The following LRRC8A variants were observed in gnomAD, a reference collection of about 807,000 sequenced individuals.
The protein encoded by LRRC8A is leucine rich repeat containing 8 VRAC subunit A, also known as volume-regulated anion channel subunit LRRC8A.
LRRC8A carries 24 observed loss-of-function variants against 52.5 expected under a neutral mutation model. The observed-to-expected ratio is 0.46, with a 90% CI of 0.33 to 0.64. The LOEUF is 0.64. Ranked by LOEUF, LRRC8A falls within the 30% of genes least tolerant of loss-of-function variation. The pLI, the probability that LRRC8A is intolerant of heterozygous loss-of-function variation, is 0.02. For missense variants in LRRC8A, 677 were observed against 1,094.7 expected, an observed-to-expected ratio of 0.62 and a Z score of 5.38; for synonymous variants, 492 against 494.2, an observed-to-expected ratio of 1.00 and a Z score of 0.06.
At chr9:128,900,643 G>C (rs755019536) in intron 2 of LRRC8A, among the ~76,000 whole-genome samples, 2 of 152,172 alleles carry the variant, frequency 1.3e-5, no homozygotes, top group Non-Finnish European at 2.9e-5. Context: ...AGGAGGTACA[G>C]GTTGCAGTGA....
chr9:128,903,569 T>C (rs559965139), intron 2 of LRRC8A, among the ~76,000 whole-genome samples: 2 of 152,050 alleles, frequency 1.3e-5, no homozygotes, highest in East Asian at 1.9e-4. Context: ...CCTGCCACTA[T>C]GCCCGGCTAA....
chr9:128,915,932 TGCACAGGCAGATGTTGGCCAGAGTTTG>T (rs1332990255), intron 3 of LRRC8A, among the ~76,000 whole-genome samples, 137 bp from the exon 4 acceptor site: 1 of 152,090 alleles, frequency 6.6e-6, no homozygotes, highest in East Asian at 1.9e-4. Context: ...TGAGACCTGG[TGCACAGGCAGATGTTGGCCAGAGTTTG>T]GCCCAGATTG....
chr9:128,898,806 A>G (rs1327315897), intron 2 of LRRC8A, among the ~76,000 whole-genome samples: 1 of 152,170 alleles, frequency 6.6e-6, no homozygotes, highest in African/African-American at 2.4e-5. Flanking sequence ...CTTGCTCTCC[A>G]CTGACCTGGG....
chr9:128,915,183 C>T (rs556201450), intron 3 of LRRC8A, among the ~76,000 whole-genome samples: 335 of 152,306 alleles, frequency 2.2e-3, no homozygotes, highest in African/African-American at 7.9e-3. Flanking sequence ...TGCTCCATAT[C>T]CTCAGGGAAT....
Position 128,892,206 on chromosome 9 carries a change from G to A in LRRC8A, c.-9+6085G>A, listed in dbSNP as rs897472677. ...GCATGAAGGTTGGGAGATGGGGCAA[G>A]GACATACTGGGCACTTAGTTGACGG... On this transcript the variant is annotated intron_variant, in intron 2 of 3. Transcript: ENST00000372600. This position sits in a 1 kb window ranked among gnomAD's most constrained non-coding sequence, Gnocchi z 5.2. Among the ~76,000 whole-genome samples, 12 of 152,226 alleles carry A rather than the reference G, an allele frequency of 7.9e-5. No homozygotes were observed. The highest frequency in any genetic ancestry group is 7.8e-4 in the Admixed American group (12 of 15,292).
At chr9:128,889,961 C>G (rs768983558) in intron 2 of LRRC8A, among the ~76,000 whole-genome samples, 1 of 151,894 alleles carries the variant, frequency 6.6e-6, no homozygotes, top group Non-Finnish European at 1.5e-5. Context: ...CACCACCACG[C>G]CTGGCTAATT....
chr9:128,916,808 G>A lies in LRRC8A; in HGVS notation c.*437G>A, dbSNP rs932253592. On this transcript the variant is annotated 3_prime_UTR_variant, in exon 4 of 4. Transcript: ENST00000372600. The surrounding 1 kb of genome is among the most constrained non-coding windows in gnomAD (Gnocchi z 6.1). ...CCCAGATGGAAGGTGTTCAGGGAAA[G>A]GTGGGCTGCCTTTTCCCCTTGTCCT... 8 of 167,204 alleles carry A rather than the reference G, an allele frequency of 4.8e-5. No individual in the cohort carries two copies. The East Asian group carries it at 6.3e-4, about 13-fold the overall frequency. 10.4% of individuals were successfully genotyped at this position (167,204 alleles called of 1,614,324 possible).
chr9:128,900,782 A>T (rs1839995052), intron 2 of LRRC8A, among the ~76,000 whole-genome samples: 1 of 152,160 alleles, frequency 6.6e-6, no homozygotes, highest in African/African-American at 2.4e-5. Context: ...AGTCCCAGCT[A>T]CTTAGGAGGC....
At chr9:128,884,423 C>G (rs896572464) in intron 1 of LRRC8A, among the ~76,000 whole-genome samples, 3 of 151,998 alleles carry the variant, frequency 2.0e-5, no homozygotes, top group Non-Finnish European at 4.4e-5. Flanking sequence ...ATTCATTCAG[C>G]CATTCTTTAG....
rs75165790 is a variant in LRRC8A, at chr9:128,902,051, G to A, written c.-8-5106G>A. 3.5e-4 allele frequency among the ~76,000 whole-genome samples: 54 copies of A among 152,312 alleles called. No individual in the cohort carries two copies. In the East Asian group the frequency reaches 9.8e-3, roughly 28 times the overall value. ...CCAGGGGTAGGCCCAGGCACCAGCC[G>A]GGCCAGGCCTGTGAGAGACTCCAGT... On this transcript the variant is annotated intron_variant, in intron 2 of 3. Transcript: ENST00000372600. The surrounding 1 kb of genome is among the most constrained non-coding windows in gnomAD (Gnocchi z 4.1).
chr9:128,907,064 T>C lies in LRRC8A; in HGVS notation c.-8-93T>C. 2 of 1,080,312 alleles carry C rather than the reference T, an allele frequency of 1.9e-6. No homozygotes were observed. The highest frequency in any genetic ancestry group is 4.4e-5 in the Admixed American group (2 of 45,474). 66.9% of individuals were successfully genotyped at this position (1,080,312 alleles called of 1,614,324 possible). ...AGATTTGAGGTGGAATTTTGGACAA[T>C]GGAAGAATTTTCATTGTCTTCTTCC... On this transcript the variant is annotated intron_variant, in intron 2 of 3. Coordinates refer to ENST00000372600, the MANE Select transcript of LRRC8A (RefSeq NM_019594.4). The surrounding 1 kb of genome is among the most constrained non-coding windows in gnomAD (Gnocchi z 9.3).
chr9:128,916,215 C>T lies in LRRC8A; in HGVS notation c.2277C>T (p.Ile759=), dbSNP rs767950230. 9.3e-6 allele frequency: 15 copies of T among 1,613,480 alleles called. No individual in the cohort carries two copies. The highest frequency in any genetic ancestry group is 1.1e-5 in the Non-Finnish European group (13 of 1,180,006). Residue 759 remains isoleucine (I), a synonymous_variant, in exon 4 of 4, where the codon ATC becomes ATT. Coordinates refer to ENST00000372600, the MANE Select transcript of LRRC8A (RefSeq NM_019594.4). This position sits in a 1 kb window ranked among gnomAD's most constrained non-coding sequence, Gnocchi z 6.1. ...RVGELTNLTQ[I]ELRGNRLECL... is the part of the protein sequence containing the mutation. The stretch of plus-strand genomic sequence containing the variant: ...GCGAGCTGACCAACCTGACGCAGAT[C>T]GAGCTGCGGGGCAACCGGCTGGAGT...
chr9:128,903,946 T>G (rs1183359816), intron 2 of LRRC8A, among the ~76,000 whole-genome samples: 1 of 152,014 alleles, frequency 6.6e-6, no homozygotes, highest in Non-Finnish European at 1.5e-5. Flanking sequence ...GAGAATCACT[T>G]AAACCCAGGA....
intron 2 of LRRC8A, among the ~76,000 whole-genome samples, chr9:128,889,338 C>T (rs1228595816): frequency 2.0e-5 from 3 of 152,144 alleles, no homozygotes; most frequent in Non-Finnish European, 2.9e-5. Flanking sequence ...AGTTGTGAGG[C>T]TGGTGGGCTA....
At chr9:128,882,806 C>A in intron 1 of LRRC8A, 1 of 398,712 alleles carries the variant, frequency 2.5e-6, no homozygotes, top group Non-Finnish European at 4.4e-6. Flanking sequence ...TTGGGAAGAC[C>A]GGTCCGGAAT....
At chr9:128,914,890 C>A (rs1367462982) in intron 3 of LRRC8A, among the ~76,000 whole-genome samples, 1 of 152,230 alleles carries the variant, frequency 6.6e-6, no homozygotes, top group Non-Finnish European at 1.5e-5. Flanking sequence ...ACAGCACGAA[C>A]CCACTGCAGC....
chr9:128,905,410 G>A (rs890422585), intron 2 of LRRC8A, among the ~76,000 whole-genome samples: 18 of 152,206 alleles, frequency 1.2e-4, no homozygotes, highest in South Asian at 2.1e-4. Context: ...GTGTGACCAC[G>A]AATGGCCACA....
rs376835598 is a variant in LRRC8A, at chr9:128,909,031, G to A, written c.1867G>A (p.Asp623Asn). 5.5e-5 allele frequency: 88 copies of A among 1,613,950 alleles called. No homozygotes were observed. Among genetic ancestry groups the A allele is most frequent in the Non-Finnish European group, 9.3e-6 (11 of 1,180,018 alleles). ...LHNLQEIDLK[D>N]NNLKTIEEII... ...CAACCTGCAGGAGATTGACCTCAAGGACAACAACCTCAAGACCATCGAGGA... is the reference window on the plus strand; with the variant it reads ...CAACCTGCAGGAGATTGACCTCAAGAACAACAACCTCAAGACCATCGAGGA... The change falls in exon 3 of 4, where the codon GAC becomes AAC. Residue 623 changes from aspartate to asparagine, a missense_variant. This residue lies in a region of LRRC8A where 422 missense variants were observed against 741.5 expected (regional missense o/e 0.57). Transcript: ENST00000372600.
In LRRC8A at chr9:128,908,018, A is replaced by T. The variant is rs1840325377; in HGVS notation, c.854A>T (p.Tyr285Phe). 6.2e-7 allele frequency: 1 copy of T among 1,614,032 alleles called. No individual in the cohort carries two copies. The highest frequency in any genetic ancestry group is 1.3e-5 in the African/African-American group (1 of 74,928). Residue 285 changes from tyrosine to phenylalanine, a missense_variant, in exon 3 of 4, where the codon TAC becomes TTC. Physicochemically the swap from Tyr to Phe is conservative, Grantham distance 22. Around this residue, in one of 4 missense-constraint regions of LRRC8A, gnomAD observed 422 missense variants for 741.5 expected, o/e 0.57. Coordinates refer to ENST00000372600, the MANE Select transcript of LRRC8A (RefSeq NM_019594.4). ...FILIICYTVY[Y>F]VHNIKFDVDC... ...CTCATCATCTGCTACACCGTCTACT[A>T]CGTGCACAACATCAAGTTCGACGTG...
Sources: gnomAD v4.1 joint callset for allele counts (sites outside exome capture counted in the v4.1 genomes callset) on GRCh38, gnomAD v4.1.1 for gene constraint, gnomAD v4.1.1 regional missense constraint, Gnocchi (gnomAD v3.1) non-coding constraint, MANE v1.5 for transcripts, NCBI Gene and HGNC (gene_info 2026-07-23, HGNC 2026-07-21) for gene names.